Variants in PTK2 observed in about 807,000 individuals in gnomAD.
The protein encoded by PTK2 is focal adhesion kinase 1.
In PTK2, 45 loss-of-function variants were observed where a neutral mutation model predicts 150.1. That is an observed-to-expected ratio of 0.30 (90% CI 0.24 to 0.38). The LOEUF (loss-of-function observed/expected upper bound fraction) is 0.38. Among genes scored for constraint, PTK2 ranks in the 10% least tolerant of loss-of-function variants. PTK2 has a pLI of 1.00. For synonymous variants in PTK2, 432 were observed against 449.2 expected (o/e 0.96, Z 0.48); for missense variants, 919 against 1,307.3 (o/e 0.70, Z 4.58).
chr8:140,931,865 G>T (rs891713977), intron 1 of PTK2, among the ~76,000 whole-genome samples: 1 of 148,182 alleles, frequency 6.7e-6, no homozygotes, highest in African/African-American at 2.5e-5. Context: ...CCCAGAAGGT[G>T]GAGGCTATAA....
intron 24 of PTK2, among the ~76,000 whole-genome samples, chr8:140,705,224 T>C (rs2100033012): frequency 6.6e-6 from 1 of 152,160 alleles, no homozygotes; most frequent in Non-Finnish European, 1.5e-5. Context: ...GTACCAATAG[T>C]TAAGATTTTT....
Position 140,988,198 on chromosome 8 carries a change from G to A in PTK2, c.-122+12927C>T, listed in dbSNP as rs192459849. Among the ~76,000 whole-genome samples, 11 of 152,252 alleles carry A rather than the reference G, an allele frequency of 7.2e-5. No individual in the cohort carries two copies. The East Asian group carries it at 1.2e-3, about 16-fold the overall frequency. On this transcript the variant is annotated intron_variant, in intron 1 of 31. Transcript: ENST00000522684. Reference sequence around the variant, plus strand: ...GATCTATAATAATCCAGTTCTCCACGAATAGATGTAGACCTTCAATGTAAT... The same window carrying A: ...GATCTATAATAATCCAGTTCTCCACAAATAGATGTAGACCTTCAATGTAAT...
intron 9 of PTK2, 99 bp from the exon 10 acceptor site, chr8:140,818,453 C>T: frequency 9.4e-7 from 1 of 1,062,402 alleles, no homozygotes; most frequent in African/African-American, 1.6e-5. Context: ...AAAGCAGGGG[C>T]TGGTTTGGTT....
chr8:140,701,618 A>G (rs2100030504), intron 25 of PTK2, among the ~76,000 whole-genome samples: 1 of 152,208 alleles, frequency 6.6e-6, no homozygotes, highest in Non-Finnish European at 1.5e-5. Context: ...AAGAAAATTT[A>G]GTAAAAATTA....
chr8:140,664,834 G>T, intron 31 of PTK2, 83 bp downstream of exon 35: 1 of 1,347,228 alleles, frequency 7.4e-7, no homozygotes, highest in Non-Finnish European at 1.1e-6. Context: ...ACTGAGGAGC[G>T]GCCTTCAGCA....
chr8:140,775,157 G>C (rs900786683), intron 14 of PTK2, among the ~76,000 whole-genome samples: 2 of 152,068 alleles, frequency 1.3e-5, no homozygotes, highest in African/African-American at 4.8e-5. Context: ...GTAACACCAT[G>C]GTATTTCCCT....
At chr8:140,749,227 C>A (rs1258320990) in intron 17 of PTK2, among the ~76,000 whole-genome samples, 2 of 152,136 alleles carry the variant, frequency 1.3e-5, no homozygotes, top group Non-Finnish European at 2.9e-5. Context: ...ATAATTAAAT[C>A]TCACCTTGTC....
intron 1 of PTK2, chr8:140,954,882 T>C (rs2100180723): frequency 6.6e-6 from 1 of 152,188 alleles, no homozygotes; most frequent in Non-Finnish European, 1.5e-5. Flanking sequence ...ATTTCACTAG[T>C]TTTTTTCAAG....
chr8:140,848,794 G>A (rs1247194826), intron 5 of PTK2, among the ~76,000 whole-genome samples: 1 of 152,162 alleles, frequency 6.6e-6, no homozygotes, highest in Admixed American at 6.5e-5. Flanking sequence ...TATTTAGATA[G>A]GCAGAAAAAT....
intron 2 of PTK2, chr8:140,921,214 T>A: frequency 1.1e-6 from 1 of 874,176 alleles, no homozygotes; most frequent in South Asian, 5.6e-5. Context: ...TGGCTCTGTG[T>A]TCCTAGATTC....
At chr8:140,881,260 A>G (rs776168357) in intron 3 of PTK2, among the ~76,000 whole-genome samples, 51 of 152,210 alleles carry the variant, frequency 3.4e-4, no homozygotes, top group Non-Finnish European at 5.6e-4. Flanking sequence ...TCCACGTTCT[A>G]GTCTTTAAAC....
chr8:140,739,517 C>G (rs2100054473), intron 20 of PTK2, among the ~76,000 whole-genome samples: 1 of 152,216 alleles, frequency 6.6e-6, no homozygotes. Flanking sequence ...TCGATCCTCA[C>G]TGGTGGTAGT....
intron 5 of PTK2, among the ~76,000 whole-genome samples, chr8:140,860,291 A>G (rs1192477158): frequency 6.6e-6 from 1 of 152,126 alleles, no homozygotes; most frequent in Non-Finnish European, 1.5e-5. Context: ...TGTAAATCTT[A>G]TTTCTTTTGA....
At chr8:140,979,272 A>T (rs2154609876) in intron 1 of PTK2, among the ~76,000 whole-genome samples, 1 of 152,190 alleles carries the variant, frequency 6.6e-6, no homozygotes, top group African/African-American at 2.4e-5. Context: ...AAAAAGAAAA[A>T]AAAAAAGAAC....
Position 140,789,691 on chromosome 8 carries a change from G to C in PTK2, c.1125-165C>G, listed in dbSNP as rs760518295. Among the ~76,000 whole-genome samples the C allele has an allele frequency of 1.4e-4, 22 of 152,256 alleles. 1 individual carries two copies. In the Middle Eastern group the frequency reaches 0.01, roughly 71 times the overall value. ...ATTAAAATAGCCAGGCTGCTTTAAT[G>C]CTTTAAAGATCACAAATTAAAATAC... On this transcript the variant is annotated intron_variant, in intron 13 of 31. Transcript: ENST00000522684.
At chr8:140,797,429 G>A (rs528851161) in intron 12 of PTK2, among the ~76,000 whole-genome samples, 3 of 152,104 alleles carry the variant, frequency 2.0e-5, no homozygotes, top group South Asian at 4.1e-4. Context: ...TAATTGTGTC[G>A]CTTCAGCAGC....
chr8:140,855,306 G>C (rs887034927), intron 5 of PTK2, among the ~76,000 whole-genome samples: 4 of 151,992 alleles, frequency 2.6e-5, no homozygotes, highest in Admixed American at 2.0e-4. Flanking sequence ...AAAAAAAAAG[G>C]GGGGGGTCGC....
At chr8:140,803,687 T>TA in intron 10 of PTK2, 37 bp from the exon 11 acceptor site, 1 of 1,538,028 alleles carries the variant, frequency 6.5e-7, no homozygotes, top group South Asian at 1.1e-5. Context: ...AGACTACGGA[T>TA]AAAAAACTCA....
At chr8:140,732,058 TA>T (rs2100049748) in intron 22 of PTK2, among the ~76,000 whole-genome samples, 1 of 152,230 alleles carries the variant, frequency 6.6e-6, no homozygotes, top group Non-Finnish European at 1.5e-5. Flanking sequence ...TTAACTACCA[TA>T]ATTTTAACGA....
Sources: gnomAD v4.1 joint callset for allele counts (sites outside exome capture counted in the v4.1 genomes callset) on GRCh38, gnomAD v4.1.1 for gene constraint, MANE v1.5 for transcripts, NCBI Gene and HGNC (gene_info 2026-07-23, HGNC 2026-07-21) for gene names.